Variants in FAF1 observed in about 807,000 individuals in gnomAD.
The protein encoded by FAF1 is FAS-associated factor 1.
In FAF1, 25 loss-of-function variants were observed where a neutral mutation model predicts 92.5. That is an observed-to-expected ratio of 0.27 (90% confidence interval 0.20 to 0.38). The LOEUF (loss-of-function observed/expected upper bound fraction) is 0.38. Among genes scored for constraint, FAF1 ranks in the 10% least tolerant of loss-of-function variants. FAF1 has a pLI of 1.00. For missense variants in FAF1, 636 were observed against 793.3 expected, an observed-to-expected ratio of 0.80 and a Z score of 2.38; for synonymous variants, 234 against 273.2, an observed-to-expected ratio of 0.86 and a Z score of 1.42.
intron 17 of FAF1, among the ~76,000 whole-genome samples, chr1:50,484,891 T>C (rs1031394672): frequency 3.7e-5 from 5 of 136,642 alleles, no homozygotes; most frequent in Admixed American, 8.6e-5. Context: ...CACTGATAGG[T>C]GGGAATTGAA....
chr1:50,649,966 A>AAG lies in FAF1; in HGVS notation c.744+5474_744+5475dup, dbSNP rs1333101947. ...GGGGTGACAGAGTAAGACTCCGTCA[A>AAG]AGAGAGAGAGAGAGAAAGCACAATA... On this transcript the variant is annotated intron_variant, in intron 8 of 18. Transcript: ENST00000396153. 1.2e-4 allele frequency among the ~76,000 whole-genome samples: 18 copies of AAG among 150,776 alleles called. No individual in the cohort carries two copies. The East Asian group carries it at 1.8e-3, about 15-fold the overall frequency.
intron 8 of FAF1, among the ~76,000 whole-genome samples, chr1:50,633,791 G>A (rs1653892286): frequency 1.3e-5 from 2 of 152,136 alleles, no homozygotes; most frequent in Non-Finnish European, 2.9e-5. Context: ...AACGATATTC[G>A]TTGCCTGTCA....
chr1:50,908,585 GT>G (rs760708104), intron 1 of FAF1, among the ~76,000 whole-genome samples: 158 of 152,258 alleles, frequency 1.0e-3, no homozygotes, highest in Non-Finnish European at 1.7e-3. Context: ...ATTTAGGATA[GT>G]TAGCTCTTCT....
intron 18 of FAF1, among the ~76,000 whole-genome samples, chr1:50,473,930 C>G (rs1557959932): frequency 6.6e-6 from 1 of 152,162 alleles, no homozygotes; most frequent in South Asian, 2.1e-4. Context: ...ACAATGGAAT[C>G]ACAGAAGATT....
intron 2 of FAF1, 84 bp downstream of exon 2, chr1:50,857,845 T>C: frequency 2.5e-6 from 2 of 793,664 alleles, no homozygotes; most frequent in Non-Finnish European, 4.1e-6. Flanking sequence ...TATGGTATGC[T>C]GAACCCATCT....
chr1:50,651,003 G>A (rs1042646221), intron 8 of FAF1, among the ~76,000 whole-genome samples: 3 of 152,134 alleles, frequency 2.0e-5, no homozygotes, highest in Admixed American at 6.6e-5. Flanking sequence ...AAGAAAATAC[G>A]TTAACTCTGA....
intron 15 of FAF1, among the ~76,000 whole-genome samples, chr1:50,518,732 G>A (rs1240905452): frequency 6.6e-6 from 1 of 152,110 alleles, no homozygotes; most frequent in Non-Finnish European, 1.5e-5. Flanking sequence ...GAGCCACTGT[G>A]CCCAGCCACA....
chr1:50,516,904 G>A (rs1336366693), intron 15 of FAF1, among the ~76,000 whole-genome samples: 2 of 152,168 alleles, frequency 1.3e-5, no homozygotes, highest in Non-Finnish European at 2.9e-5. Flanking sequence ...GAATAAACTA[G>A]TTCAGGATTA....
At chr1:50,604,490 TA>T (rs1183279369) in intron 8 of FAF1, among the ~76,000 whole-genome samples, 3 of 152,182 alleles carry the variant, frequency 2.0e-5, no homozygotes, top group African/African-American at 7.2e-5. Context: ...TCTTGACTCC[TA>T]ATCTCGGTTT....
At chr1:50,460,868 G>C (rs1376849174) in intron 18 of FAF1, among the ~76,000 whole-genome samples, 1 of 152,068 alleles carries the variant, frequency 6.6e-6, no homozygotes, top group Non-Finnish European at 1.5e-5. Flanking sequence ...GCTCAGGCAG[G>C]TCTCAAATTC....
intron 1 of FAF1, among the ~76,000 whole-genome samples, chr1:50,867,791 A>G (rs1644494715): frequency 6.6e-6 from 1 of 152,204 alleles, no homozygotes; most frequent in Non-Finnish European, 1.5e-5. Flanking sequence ...AAGAACTAAA[A>G]GTAGATCCAT....
At chr1:50,480,949 T>C (rs574910777) in intron 17 of FAF1, among the ~76,000 whole-genome samples, 1 of 152,250 alleles carries the variant, frequency 6.6e-6, no homozygotes, top group South Asian at 2.1e-4. Flanking sequence ...ACAATGATAT[T>C]GATGATCTAG....
intron 13 of FAF1, among the ~76,000 whole-genome samples, chr1:50,544,681 A>C (rs1229023846): frequency 6.6e-6 from 1 of 152,224 alleles, no homozygotes; most frequent in Non-Finnish European, 1.5e-5. Flanking sequence ...CTGATCTGAA[A>C]AAAATACTAA....
At chr1:50,667,005 G>A (rs1655670115) in intron 7 of FAF1, among the ~76,000 whole-genome samples, 1 of 152,244 alleles carries the variant, frequency 6.6e-6, no homozygotes. Flanking sequence ...TGCAGTTACA[G>A]TCTGTCCACT....
At chr1:50,863,045 A>G (rs756378425) in intron 1 of FAF1, among the ~76,000 whole-genome samples, 1 of 151,980 alleles carries the variant, frequency 6.6e-6, no homozygotes. Context: ...ATTCTACCCA[A>G]CAACTGCAGA....
At chr1:50,864,103 T>C (rs1305147034) in intron 1 of FAF1, among the ~76,000 whole-genome samples, 4 of 151,628 alleles carry the variant, frequency 2.6e-5, no homozygotes, top group Non-Finnish European at 5.9e-5. Flanking sequence ...TTTTCTTCTT[T>C]ATTAGTCTTG....
intron 4 of FAF1, among the ~76,000 whole-genome samples, chr1:50,776,806 T>C (rs1354215009): frequency 6.6e-6 from 1 of 152,190 alleles, no homozygotes; most frequent in Non-Finnish European, 1.5e-5. Context: ...ATCATATCCC[T>C]TTCAGTGGTT....
chr1:50,525,214 A>T (rs1484068251), intron 15 of FAF1, among the ~76,000 whole-genome samples: 1 of 152,128 alleles, frequency 6.6e-6, no homozygotes, highest in Non-Finnish European at 1.5e-5. Flanking sequence ...GTTTTTTTCT[A>T]GTTCTGTGAA....
chr1:50,622,150 G>A (rs901892216), intron 8 of FAF1, among the ~76,000 whole-genome samples: 5 of 146,718 alleles, frequency 3.4e-5, no homozygotes, highest in African/African-American at 1.3e-4. Context: ...GGGCAACAGA[G>A]CGAGACTCCA....
Sources: gnomAD v4.1 joint callset for allele counts (sites outside exome capture counted in the v4.1 genomes callset) on GRCh38, gnomAD v4.1.1 for gene constraint, MANE v1.5 for transcripts, NCBI Gene and HGNC (gene_info 2026-07-23, HGNC 2026-07-21) for gene names.